SFSWAP: variants seen among roughly 807,000 people sequenced by gnomAD.
The protein encoded by SFSWAP is splicing factor, suppressor of white-apricot homolog.
In SFSWAP, 17 loss-of-function variants were observed where a neutral mutation model predicts 100.7. The ratio of observed to expected loss-of-function variants is 0.17; its 90% CI spans 0.12 to 0.25. The LOEUF is 0.25. Ranked by LOEUF, SFSWAP falls within the 10% of genes least tolerant of loss-of-function variation. The probability of loss-of-function intolerance (pLI) is 1.00; values close to 1 mark genes in which losing one functional copy is unlikely to be tolerated. For synonymous variants in SFSWAP, 504 were observed against 510.1 expected (o/e 0.99, Z 0.16); for missense variants, 1,005 against 1,262.6 (o/e 0.80, Z 3.09).
chr12:131,796,246 T>G (rs1315945489), intron 15 of SFSWAP: 2 of 152,306 alleles, frequency 1.3e-5, no homozygotes, highest in Non-Finnish European at 2.9e-5. Flanking sequence ...CAGGCCTGTC[T>G]GCCTTTACCA....
chr12:131,764,263 A>G (rs1046119057), intron 11 of SFSWAP, among the ~76,000 whole-genome samples, 193 bp from the exon 12 acceptor site: 2 of 152,200 alleles, frequency 1.3e-5, no homozygotes, highest in African/African-American at 2.4e-5. Context: ...GGCTCACCCC[A>G]GCCCCACGCC....
At chr12:131,755,195 A>G (rs1041129963) in intron 9 of SFSWAP, among the ~76,000 whole-genome samples, 191 bp from the exon 10 acceptor site, 4 of 152,176 alleles carry the variant, frequency 2.6e-5, no homozygotes, top group Admixed American at 6.5e-5. Context: ...TTGCAGCGTG[A>G]CCTGTGTAAC....
At position 131,799,565 on chromosome 12, in the gene SFSWAP, C is replaced by T; in HGVS notation, c.*77C>T. ...CTCACGCAGACGCCGGCCACACCAT[C>T]CACCTGGCCGCCTCCATGGACCCTT... On this transcript the variant is annotated 3_prime_UTR_variant, in exon 18 of 18. Coordinates refer to ENST00000261674, the MANE Select transcript of SFSWAP (RefSeq NM_004592.4). 8.1e-7 allele frequency: 1 copy of T among 1,235,782 alleles called. No homozygotes were observed. Among genetic ancestry groups the T allele is most frequent in the Non-Finnish European group, 1.2e-6 (1 of 865,622 alleles). 76.6% of individuals were successfully genotyped at this position (1,235,782 alleles called of 1,614,324 possible). A position where few individuals can be genotyped will look rare whatever the true frequency, so the allele number is the denominator to read the frequency against.
At chr12:131,745,528 A>G (rs527567720) in intron 7 of SFSWAP, among the ~76,000 whole-genome samples, 2 of 152,338 alleles carry the variant, frequency 1.3e-5, no homozygotes, top group African/African-American at 4.8e-5. Flanking sequence ...TGCAGAATTC[A>G]GTAATAAAAA....
chr12:131,786,619 G>A (rs1289128663), intron 15 of SFSWAP, 31 bp downstream of exon 15: 2 of 1,572,768 alleles, frequency 1.3e-6, no homozygotes, highest in Non-Finnish European at 8.6e-7. Flanking sequence ...GCAGGTGCTG[G>A]ATGTGGGCCA....
chr12:131,739,712 AT>A (rs1880422433), intron 7 of SFSWAP, among the ~76,000 whole-genome samples: 1 of 151,202 alleles, frequency 6.6e-6, no homozygotes, highest in South Asian at 2.1e-4. Context: ...TGCCCGATTA[AT>A]TTTTTGTATT....
intron 12 of SFSWAP, among the ~76,000 whole-genome samples, chr12:131,765,346 T>C (rs1883025281): frequency 6.6e-6 from 1 of 152,220 alleles, no homozygotes; most frequent in African/African-American, 2.4e-5. Flanking sequence ...TCAAGCAACA[T>C]TTGAAAGAGG....
chr12:131,716,985 G>A (rs777733578), intron 3 of SFSWAP, among the ~76,000 whole-genome samples: 9 of 151,924 alleles, frequency 5.9e-5, no homozygotes, highest in Non-Finnish European at 1.0e-4. Flanking sequence ...TTCTGTAATC[G>A]TGTTCTCAGA....
intron 15 of SFSWAP, among the ~76,000 whole-genome samples, chr12:131,795,909 G>A (rs1885603074): frequency 6.7e-6 from 1 of 148,404 alleles, no homozygotes; most frequent in African/African-American, 2.5e-5. Flanking sequence ...CTGCAGCAGA[G>A]GGCCCCGCAG....
At chr12:131,758,521 A>T (rs1241517175) in intron 11 of SFSWAP, among the ~76,000 whole-genome samples, 1 of 152,208 alleles carries the variant, frequency 6.6e-6, no homozygotes, top group African/African-American at 2.4e-5. Context: ...CTGAGCCTCC[A>T]GGCATATGGG....
At chr12:131,739,844 C>T (rs1880435415) in intron 7 of SFSWAP, among the ~76,000 whole-genome samples, 1 of 152,100 alleles carries the variant, frequency 6.6e-6, no homozygotes, top group Admixed American at 6.6e-5. Context: ...CGCCCAGCCC[C>T]CAGTTGCTTA....
intron 7 of SFSWAP, among the ~76,000 whole-genome samples, chr12:131,731,901 CTTTTTTTTTT>C (rs755819493): frequency 1.8e-5 from 1 of 55,306 alleles, no homozygotes; most frequent in Non-Finnish European, 3.3e-5. Flanking sequence ...TACTATTTTA[CTTTTTTTTTT>C]TTTTTTTTTT....
At chr12:131,751,341 T>A (rs1198710487) in intron 7 of SFSWAP, among the ~76,000 whole-genome samples, 1 of 152,256 alleles carries the variant, frequency 6.6e-6, no homozygotes. Context: ...GTTTAAAACA[T>A]GTTTGGACAC....
rs2136197034 is a variant in SFSWAP, at chr12:131,733,466, G to A, written c.1081+5038G>A. Among the ~76,000 whole-genome samples, 2 of 152,284 alleles carry A rather than the reference G, an allele frequency of 1.3e-5. No individual in the cohort carries two copies. The highest frequency in any genetic ancestry group is 4.1e-4 in the South Asian group (2 of 4,830). Reference sequence around the variant, plus strand: ...CGGCATGCATCCTGAGAGCCAGGCAGCGACGCTGCCTGCACTGCCCCACCG... The same window carrying A: ...CGGCATGCATCCTGAGAGCCAGGCAACGACGCTGCCTGCACTGCCCCACCG... On this transcript the variant is annotated intron_variant, in intron 7 of 17. Coordinates refer to ENST00000261674, the MANE Select transcript of SFSWAP (RefSeq NM_004592.4). The surrounding 1 kb of genome is among the most constrained non-coding windows in gnomAD (Gnocchi z 5.1).
Position 131,778,564 on chromosome 12 carries a change from C to G in SFSWAP, c.2408+234C>G, listed in dbSNP as rs2136256743. 6.6e-6 allele frequency among the ~76,000 whole-genome samples: 1 copy of G among 152,302 alleles called. No individual in the cohort carries two copies. The stretch of plus-strand genomic sequence containing the variant: ...CAGAGTTTTGTTCTTGTTGCCCAGG[C>G]TAGAGTGCAGTGGTGCGATCTTGGC... On this transcript the variant is annotated intron_variant, in intron 14 of 17. Transcript: ENST00000261674. This position sits in a 1 kb window ranked among gnomAD's most constrained non-coding sequence, Gnocchi z 4.2.
At chr12:131,763,827 T>C (rs914027135) in intron 11 of SFSWAP, among the ~76,000 whole-genome samples, 23 of 152,026 alleles carry the variant, frequency 1.5e-4, no homozygotes, top group Non-Finnish European at 3.1e-4. Context: ...TTTTTTTTTT[T>C]TTTTTAAAGA....
At chr12:131,719,938 G>C (rs1396141750) in intron 4 of SFSWAP, among the ~76,000 whole-genome samples, 1 of 152,202 alleles carries the variant, frequency 6.6e-6, no homozygotes, top group Admixed American at 6.5e-5. Context: ...TTTAAAGTGT[G>C]ATTTTTGGGG....
intron 15 of SFSWAP, among the ~76,000 whole-genome samples, chr12:131,790,417 G>A (rs575363514): frequency 1.3e-5 from 2 of 152,312 alleles, no homozygotes; most frequent in Admixed American, 6.5e-5. Flanking sequence ...TCCAGATGTG[G>A]ACGTATGAGG....
chr12:131,779,637 T>A (rs879195704), intron 14 of SFSWAP, among the ~76,000 whole-genome samples: 2 of 152,188 alleles, frequency 1.3e-5, no homozygotes, highest in South Asian at 4.1e-4. Context: ...GTTTTTCTTC[T>A]GGAATTGGTG....
Sources: allele counts gnomAD v4.1 joint callset (sites outside exome capture counted in the v4.1 genomes callset), GRCh38; gene constraint gnomAD v4.1.1; non-coding constraint Gnocchi (gnomAD v3.1); transcripts MANE v1.5; gene names NCBI Gene and HGNC (gene_info 2026-07-23, HGNC 2026-07-21).